Variants in ZPLD1 observed in about 807,000 individuals in gnomAD.
ZPLD1 encodes zona pellucida-like domain-containing protein 1.
A neutral mutation model predicts 47.2 loss-of-function variants in ZPLD1; 34 were observed. The observed-to-expected ratio is 0.72, with a 90% CI of 0.55 to 0.96. The LOEUF (loss-of-function observed/expected upper bound fraction) is 0.96, where lower values mean the gene tolerates loss of function less well. Among genes scored for constraint, ZPLD1 ranks in the 40% least tolerant of loss-of-function variants. ZPLD1 has a pLI of 0.00. For synonymous variants in ZPLD1, 176 were observed against 186.2 expected, an observed-to-expected ratio of 0.95 and a Z score of 0.45; for missense variants, 512 against 505.8, an observed-to-expected ratio of 1.01 and a Z score of -0.12.
intron 8 of ZPLD1, among the ~76,000 whole-genome samples, chr3:102,424,108 C>G (rs1054401472): frequency 6.6e-6 from 1 of 152,122 alleles, no homozygotes; most frequent in Non-Finnish European, 1.5e-5. Context: ...TTTCTTTTAT[C>G]CATCAGGAAA....
chr3:102,390,298 G>A (rs1026404744), intron 6 of ZPLD1, among the ~76,000 whole-genome samples: 12 of 151,984 alleles, frequency 7.9e-5, no homozygotes, highest in African/African-American at 2.2e-4. Context: ...ACCCCCAACC[G>A]GATTTCTACC....
At chr3:102,467,621 A>G (rs974499649) in intron 8 of ZPLD1, among the ~76,000 whole-genome samples, 1 of 152,072 alleles carries the variant, frequency 6.6e-6, no homozygotes, top group Non-Finnish European at 1.5e-5. Context: ...TAACAGTAAG[A>G]TAAAAAATAG....
At chr3:102,455,206 A>G (rs1189883383) in intron 4 of ZPLD1, among the ~76,000 whole-genome samples, 1 of 152,234 alleles carries the variant, frequency 6.6e-6, no homozygotes, top group Non-Finnish European at 1.5e-5. Context: ...CACAGGTCTT[A>G]GTAATATAGT....
intron 7 of ZPLD1, among the ~76,000 whole-genome samples, chr3:102,407,747 G>C (rs1706707045): frequency 6.6e-6 from 1 of 151,566 alleles, no homozygotes; most frequent in Non-Finnish European, 1.5e-5. Flanking sequence ...AAAAATAAGA[G>C]AGACATCGTT....
At chr3:102,402,841 G>A (rs1706637122) in intron 7 of ZPLD1, among the ~76,000 whole-genome samples, 1 of 151,876 alleles carries the variant, frequency 6.6e-6, no homozygotes, top group African/African-American at 2.4e-5. Flanking sequence ...TTTTAATCAT[G>A]GTCCTTATAT....
At chr3:102,421,656 G>T (rs948384695) in intron 8 of ZPLD1, among the ~76,000 whole-genome samples, 1 of 151,810 alleles carries the variant, frequency 6.6e-6, no homozygotes, top group African/African-American at 2.4e-5. Context: ...GTGAAAAGGA[G>T]ACTTGGTAAA....
Position 102,464,228 on chromosome 3 carries a change from C to A in ZPLD1, c.738C>A (p.Asp246Glu), listed in dbSNP as rs1308553154. 1 of 1,612,494 alleles carries A rather than the reference C, an allele frequency of 6.2e-7. No individual in the cohort carries two copies. The highest frequency in any genetic ancestry group is 8.5e-7 in the Non-Finnish European group (1 of 1,178,684). The change falls in exon 8 of 12, where the codon GAC (aspartate) becomes GAA (glutamate). Residue 246 changes from aspartate (D) to glutamate (E), a missense_variant. Transcript: ENST00000466937. ...YTTPSGNPND[D>E]IRYDLFLSCD... Reference sequence around the variant, plus strand: ...CCCCATCAGGAAACCCAAATGATGACATTCGATATGATCTTTTCCTTAGGT... The same window carrying A: ...CCCCATCAGGAAACCCAAATGATGAAATTCGATATGATCTTTTCCTTAGGT...
At chr3:102,396,874 CAAAAGTT>C (rs1706563701) in intron 7 of ZPLD1, among the ~76,000 whole-genome samples, 2 of 152,064 alleles carry the variant, frequency 1.3e-5, no homozygotes, top group Admixed American at 6.6e-5. Context: ...AATATGTACT[CAAAAGTT>C]AAATGATTAG....
At chr3:102,391,290 C>T (rs1236968780) in intron 6 of ZPLD1, among the ~76,000 whole-genome samples, 1 of 152,158 alleles carries the variant, frequency 6.6e-6, no homozygotes, top group Non-Finnish European at 1.5e-5. Flanking sequence ...CTGCCCCAGA[C>T]TAAAAGCAAA....
chr3:102,455,504 C>A (rs970604684), intron 4 of ZPLD1, among the ~76,000 whole-genome samples: 6 of 152,234 alleles, frequency 3.9e-5, no homozygotes, highest in Middle Eastern at 3.4e-3. Context: ...GAGAGGAAGA[C>A]CCTGAGAAGA....
At position 102,477,743 on chromosome 3, in the gene ZPLD1, A is replaced by T; in HGVS notation, c.*125A>T. ...TATTTGTAGGTTTGATAAATTTCACAGTATAGCTTGTCAGCATAATGATAG... is the reference window on the plus strand; with the variant it reads ...TATTTGTAGGTTTGATAAATTTCACTGTATAGCTTGTCAGCATAATGATAG... On this transcript the variant is annotated 3_prime_UTR_variant, in exon 12 of 12. Coordinates refer to ENST00000466937, the MANE Select transcript of ZPLD1 (RefSeq NM_001329788.2). The T allele has an allele frequency of 1.1e-6, 1 of 909,668 alleles. No individual in the cohort carries two copies. The highest frequency in any genetic ancestry group is 1.6e-6 in the Non-Finnish European group (1 of 623,902). 56.3% of individuals were successfully genotyped at this position (909,668 alleles called of 1,614,324 possible).
intron 4 of ZPLD1, among the ~76,000 whole-genome samples, chr3:102,454,359 C>G (rs1187964180): frequency 6.6e-6 from 1 of 152,082 alleles, no homozygotes; most frequent in African/African-American, 2.4e-5. Context: ...TTACAAGTCC[C>G]TGTTCTGTGT....
At chr3:102,397,558 T>G (rs1402517738) in intron 7 of ZPLD1, among the ~76,000 whole-genome samples, 2 of 152,096 alleles carry the variant, frequency 1.3e-5, no homozygotes, top group Non-Finnish European at 2.9e-5. Context: ...TGAAGCATTT[T>G]AAAAATTAAA....
chr3:102,389,937 G>A (rs568992009), intron 6 of ZPLD1, among the ~76,000 whole-genome samples: 1 of 152,114 alleles, frequency 6.6e-6, no homozygotes, highest in Non-Finnish European at 1.5e-5. Context: ...ATGTGATGGT[G>A]GTAGGGTTGA....
At chr3:102,414,785 G>A (rs920604036) in intron 7 of ZPLD1, among the ~76,000 whole-genome samples, 17 of 151,646 alleles carry the variant, frequency 1.1e-4, no homozygotes, top group African/African-American at 4.1e-4. Context: ...AAAACAAACA[G>A]ATGTTTAAGT....
intron 2 of ZPLD1, 56 bp downstream of exon 2, chr3:102,437,029 C>G: frequency 1.3e-6 from 1 of 744,080 alleles, no homozygotes; most frequent in Non-Finnish European, 1.6e-6. Flanking sequence ...TAGTGTCTTC[C>G]AAAGACTCCA....
At chr3:102,414,701 A>G (rs1706784095) in intron 7 of ZPLD1, among the ~76,000 whole-genome samples, 1 of 151,812 alleles carries the variant, frequency 6.6e-6, no homozygotes, top group Non-Finnish European at 1.5e-5. Flanking sequence ...TTCACCATTA[A>G]TTCTTCATTG....
At chr3:102,460,359 A>C (rs748474662) in intron 6 of ZPLD1, among the ~76,000 whole-genome samples, 2 of 152,000 alleles carry the variant, frequency 1.3e-5, no homozygotes, top group Non-Finnish European at 2.9e-5. Context: ...TCTGGGATTC[A>C]GTAAGTATAC....
In ZPLD1 at chr3:102,467,836, T is replaced by TACACACACACACAC. The variant is rs61096565; in HGVS notation, c.762-1101_762-1088dup. Among the ~76,000 whole-genome samples, 207 of 140,976 alleles carry TACACACACACACAC rather than the reference T, an allele frequency of 1.5e-3. 2 individuals are homozygous for TACACACACACACAC. Among genetic ancestry groups the TACACACACACACAC allele is most frequent in the Middle Eastern group, 0.014 (4 of 282 alleles). 92.5% of individuals were successfully genotyped at this position (140,976 alleles called of 152,430 possible). Reference sequence around the variant, plus strand: ...ATTTAACTACGTAAGAATAAAACTGTACACACACACACACACACACACACA... The same window carrying TACACACACACACAC: ...ATTTAACTACGTAAGAATAAAACTGTACACACACACACACACACACACACACACACACACACACA... On this transcript the variant is annotated intron_variant, in intron 8 of 11. Transcript: ENST00000466937.
Sources: allele counts gnomAD v4.1 joint callset (sites outside exome capture counted in the v4.1 genomes callset), GRCh38; gene constraint gnomAD v4.1.1; transcripts MANE v1.5; gene names NCBI Gene and HGNC (gene_info 2026-07-23, HGNC 2026-07-21).